The following MND1 variants were observed in gnomAD, a reference collection of about 807,000 sequenced individuals.
MND1 encodes the protein meiotic nuclear divisions 1.
A neutral mutation model predicts 35.1 loss-of-function variants in MND1; 28 were observed. That is an observed-to-expected ratio of 0.80 (90% CI 0.59 to 1.09). The LOEUF is 1.09. MND1 is among the 50% of genes least tolerant of loss of function. MND1 has a pLI of 0.00. For synonymous variants in MND1, 69 were observed against 70.5 expected (o/e 0.98, Z 0.11); for missense variants, 213 against 239.6 (o/e 0.89, Z 0.73).
chr4:153,377,203 T>C (rs946020621), intron 4 of MND1, among the ~76,000 whole-genome samples: 14 of 152,212 alleles, frequency 9.2e-5, no homozygotes, highest in African/African-American at 3.4e-4. Flanking sequence ...GATTACATTT[T>C]GAAATCCATA....
intron 4 of MND1, among the ~76,000 whole-genome samples, chr4:153,374,276 G>A (rs1269799304): frequency 6.6e-6 from 1 of 152,180 alleles, no homozygotes; most frequent in Non-Finnish European, 1.5e-5. Context: ...GGTCTACTGT[G>A]TGTAAAACAT....
At chr4:153,388,896 G>C (rs747411885) in intron 4 of MND1, among the ~76,000 whole-genome samples, 1 of 152,208 alleles carries the variant, frequency 6.6e-6, no homozygotes, top group Non-Finnish European at 1.5e-5. Flanking sequence ...GACAGAACAG[G>C]TCTCAGTGGA....
intron 3 of MND1, among the ~76,000 whole-genome samples, chr4:153,358,125 A>C (rs960451221): frequency 6.6e-6 from 1 of 152,238 alleles, no homozygotes; most frequent in South Asian, 2.1e-4. Context: ...GGAAATGATC[A>C]TATCTAATAG....
At chr4:153,370,224 G>C (rs775808051) in intron 4 of MND1, among the ~76,000 whole-genome samples, 1 of 151,994 alleles carries the variant, frequency 6.6e-6, no homozygotes, top group Non-Finnish European at 1.5e-5. Flanking sequence ...GGAGGTTGCA[G>C]TGAGCTGAGA....
intron 4 of MND1, among the ~76,000 whole-genome samples, chr4:153,359,987 A>C (rs1187699630): frequency 6.6e-6 from 1 of 152,008 alleles, no homozygotes; most frequent in East Asian, 1.9e-4. Flanking sequence ...GGGTTTCACC[A>C]TGATGGCCAA....
intron 3 of MND1, among the ~76,000 whole-genome samples, chr4:153,356,027 GGC>G (rs1327665750): frequency 7.2e-5 from 11 of 152,248 alleles, no homozygotes; most frequent in Admixed American, 4.6e-4. Context: ...TTGATAAGCT[GGC>G]TGGTAGCGCA....
At chr4:153,356,641 C>G in intron 3 of MND1, among the ~76,000 whole-genome samples, 1 of 151,066 alleles carries the variant, frequency 6.6e-6, no homozygotes, top group East Asian at 1.9e-4. Context: ...CTGAGAGTAC[C>G]CATTCAAGTA....
intron 5 of MND1, among the ~76,000 whole-genome samples, chr4:153,396,304 G>C (rs1015996407): frequency 6.6e-6 from 1 of 152,152 alleles, no homozygotes; most frequent in African/African-American, 2.4e-5. Context: ...CTGCTGGGCC[G>C]TGCTGCTTCT....
chr4:153,388,796 G>A (rs540618114), intron 4 of MND1, among the ~76,000 whole-genome samples: 2 of 152,240 alleles, frequency 1.3e-5, no homozygotes, highest in South Asian at 2.1e-4. Context: ...TGCCATTGGC[G>A]GTTCCCGAGC....
chr4:153,412,096 A>G (rs984063187), intron 7 of MND1, among the ~76,000 whole-genome samples: 4 of 152,232 alleles, frequency 2.6e-5, no homozygotes, highest in Non-Finnish European at 5.9e-5. Context: ...TTAGATTGTT[A>G]CAAAGAGTAA....
intron 2 of MND1, among the ~76,000 whole-genome samples, chr4:153,350,984 G>A (rs921173963): frequency 5.4e-5 from 8 of 148,736 alleles, no homozygotes; most frequent in African/African-American, 1.7e-4. Flanking sequence ...CAAAATACAC[G>A]GGATTTGCCC....
chr4:153,399,571 C>T (rs971011964), intron 6 of MND1, among the ~76,000 whole-genome samples: 17 of 152,238 alleles, frequency 1.1e-4, no homozygotes, highest in African/African-American at 4.1e-4. Context: ...TGTTGCCATT[C>T]CTTGTAGGTC....
intron 4 of MND1, among the ~76,000 whole-genome samples, chr4:153,376,457 A>G (rs1728513114): frequency 6.6e-6 from 1 of 152,194 alleles, no homozygotes; most frequent in Non-Finnish European, 1.5e-5. Context: ...TGGTCTTAAG[A>G]ATGAAAGAAC....
intron 1 of MND1, among the ~76,000 whole-genome samples, chr4:153,349,215 T>C (rs1178541954): frequency 6.6e-6 from 1 of 152,128 alleles, no homozygotes; most frequent in South Asian, 2.1e-4. Flanking sequence ...ATTATTAACA[T>C]ATATTTCAGC....
intron 1 of MND1, chr4:153,345,443 G>T (rs1022325748): frequency 6.1e-6 from 6 of 985,388 alleles, no homozygotes; most frequent in Non-Finnish European, 7.2e-6. Flanking sequence ...GGGCGCTGTT[G>T]CTTTTTTAAG....
rs201165215 is a variant in MND1, at chr4:153,345,594, CA to C, written c.3+855del. The C allele has an allele frequency of 3.9e-3, 3,689 of 939,120 alleles. 87 individuals carry two copies. The African/African-American group carries it at 0.054, about 14-fold the overall frequency. 58.2% of individuals were successfully genotyped at this position (939,120 alleles called of 1,614,324 possible). Reference sequence around the variant, plus strand: ...AAGTTTCATGCCGTTTTTTCTGCTTCAGTTGGCGAAGAATCAACATCTGGTT... The same window carrying C: ...AAGTTTCATGCCGTTTTTTCTGCTTCGTTGGCGAAGAATCAACATCTGGTT... On this transcript the variant is annotated intron_variant, in intron 1 of 7. Transcript: ENST00000240488.
intron 7 of MND1, among the ~76,000 whole-genome samples, chr4:153,409,425 G>C (rs917583037): frequency 2.0e-5 from 3 of 151,688 alleles, no homozygotes; most frequent in Non-Finnish European, 4.4e-5. Context: ...GCCAGTTACT[G>C]TAATGTCTGT....
chr4:153,381,030 G>T (rs1728665542), intron 4 of MND1, among the ~76,000 whole-genome samples: 1 of 151,844 alleles, frequency 6.6e-6, no homozygotes, highest in South Asian at 2.1e-4. Context: ...CTCCCAAGTA[G>T]CTGGGACTAT....
At chr4:153,363,412 G>A (rs577063565) in intron 4 of MND1, among the ~76,000 whole-genome samples, 48 of 152,042 alleles carry the variant, frequency 3.2e-4, no homozygotes, top group African/African-American at 1.1e-3. Context: ...GGGTTTTGCC[G>A]CTTTAGCCAG....
Sources: gnomAD v4.1 joint callset for allele counts (sites outside exome capture counted in the v4.1 genomes callset) on GRCh38, gnomAD v4.1.1 for gene constraint, MANE v1.5 for transcripts, NCBI Gene and HGNC (gene_info 2026-07-23, HGNC 2026-07-21) for gene names.